The following SEPTIN7 variants were observed in gnomAD, a reference collection of about 807,000 sequenced individuals.
The protein encoded by SEPTIN7 is septin 7.
A neutral mutation model predicts 63.3 loss-of-function variants in SEPTIN7; 10 were observed. That is an observed-to-expected ratio of 0.16 (90% CI 0.10 to 0.27). The LOEUF (loss-of-function observed/expected upper bound fraction) is 0.27. Among genes scored for constraint, SEPTIN7 ranks in the 10% least tolerant of loss-of-function variants. The pLI, the probability that SEPTIN7 is intolerant of heterozygous loss-of-function variation, is 1.00. For missense variants in SEPTIN7, 310 were observed against 521.0 expected, an observed-to-expected ratio of 0.59 and a Z score of 3.94; for synonymous variants, 131 against 165.3, an observed-to-expected ratio of 0.79 and a Z score of 1.59.
chr7:35,875,197 A>G (rs1374048969), intron 6 of SEPTIN7, among the ~76,000 whole-genome samples: 2 of 152,172 alleles, frequency 1.3e-5, no homozygotes, highest in Admixed American at 6.5e-5. Flanking sequence ...TATTCAAATG[A>G]TATGTAGTGG....
chr7:35,835,032 A>G (rs1415369332), intron 3 of SEPTIN7, among the ~76,000 whole-genome samples: 1 of 152,142 alleles, frequency 6.6e-6, no homozygotes, highest in East Asian at 1.9e-4. Context: ...TTCATAAGCA[A>G]TGTTTATTGA....
intron 1 of SEPTIN7, among the ~76,000 whole-genome samples, chr7:35,821,722 G>C (rs1016399739): frequency 3.3e-5 from 5 of 152,148 alleles, no homozygotes; most frequent in East Asian, 3.9e-4. Context: ...AGTCATGTAG[G>C]AGAGTGTCTC....
downstream of SEPTIN7, among the ~76,000 whole-genome samples, chr7:35,910,821 C>A (rs1158825533): frequency 6.6e-6 from 1 of 152,180 alleles, no homozygotes; most frequent in Non-Finnish European, 1.5e-5. Flanking sequence ...TCTACAGAAA[C>A]CAGCTGCAAA....
chr7:35,858,100 G>A (rs1454905309), intron 3 of SEPTIN7, among the ~76,000 whole-genome samples: 1 of 151,554 alleles, frequency 6.6e-6, no homozygotes, highest in Non-Finnish European at 1.5e-5. Flanking sequence ...GTGCCACCGG[G>A]ACAGGGTAAT....
intron 10 of SEPTIN7, chr7:35,888,859 T>G (rs762926315): frequency 3.2e-6 from 1 of 311,758 alleles, no homozygotes; most frequent in Non-Finnish European, 6.3e-6. Context: ...AAAAGAAAAA[T>G]TAAATAAACA....
chr7:35,869,379 T>C (rs1221139731), intron 4 of SEPTIN7, among the ~76,000 whole-genome samples: 1 of 152,210 alleles, frequency 6.6e-6, no homozygotes, highest in Non-Finnish European at 1.5e-5. Flanking sequence ...TGTAAGATGA[T>C]ATTTGTCTTT....
chr7:35,882,110 G>C (rs1271529358), intron 7 of SEPTIN7, among the ~76,000 whole-genome samples: 1 of 151,748 alleles, frequency 6.6e-6, no homozygotes, highest in Non-Finnish European at 1.5e-5. Context: ...TAAGATACTT[G>C]GGAATTTATA....
At chr7:35,870,287 T>C (rs1168107728) in intron 4 of SEPTIN7, among the ~76,000 whole-genome samples, 2 of 152,218 alleles carry the variant, frequency 1.3e-5, no homozygotes, top group African/African-American at 2.4e-5. Context: ...TGAACTGATT[T>C]TTTTTAAAAA....
intron 3 of SEPTIN7, among the ~76,000 whole-genome samples, chr7:35,856,964 A>T (rs2116100039): frequency 6.6e-6 from 1 of 152,340 alleles, no homozygotes; most frequent in Non-Finnish European, 1.5e-5. Flanking sequence ...TTCTAGGGGA[A>T]GAAGTGTTTT....
At chr7:35,843,583 C>T (rs75267404) in intron 3 of SEPTIN7, among the ~76,000 whole-genome samples, 10,765 of 152,048 alleles carry the variant, frequency 0.071, 427 homozygotes, top group South Asian at 0.18. Flanking sequence ...ATAGTTTTTT[C>T]GATGCCTAAA....
At chr7:35,808,040 C>T (rs1200632851) in intron 1 of SEPTIN7, among the ~76,000 whole-genome samples, 6 of 151,996 alleles carry the variant, frequency 3.9e-5, no homozygotes, top group Admixed American at 3.9e-4. Flanking sequence ...TCAGGCTGGT[C>T]TCTCCTGACC....
chr7:35,806,481 G>C (rs1788347732), intron 1 of SEPTIN7, among the ~76,000 whole-genome samples: 1 of 152,174 alleles, frequency 6.6e-6, no homozygotes, highest in South Asian at 2.1e-4. Flanking sequence ...ATCTCTGGGA[G>C]AGGGACCCAG....
At chr7:35,866,512 C>T (rs1049033007) in intron 4 of SEPTIN7, among the ~76,000 whole-genome samples, 2 of 152,108 alleles carry the variant, frequency 1.3e-5, no homozygotes, top group Admixed American at 1.3e-4. Context: ...TATTATGTGG[C>T]TGAATAAGGA....
intron 1 of SEPTIN7, among the ~76,000 whole-genome samples, chr7:35,812,724 G>A (rs1788805512): frequency 6.6e-6 from 1 of 152,006 alleles, no homozygotes; most frequent in Non-Finnish European, 1.5e-5. Flanking sequence ...TTGTTCTTAT[G>A]GCTTCCAGTC....
intron 3 of SEPTIN7, among the ~76,000 whole-genome samples, chr7:35,847,754 T>A (rs905043485): frequency 1.3e-5 from 2 of 152,214 alleles, no homozygotes; most frequent in African/African-American, 4.8e-5. Flanking sequence ...AGAAATATAG[T>A]GAGATATAAT....
chr7:35,861,551 A>G (rs1785509482), intron 3 of SEPTIN7, among the ~76,000 whole-genome samples: 1 of 152,140 alleles, frequency 6.6e-6, no homozygotes, highest in Admixed American at 6.5e-5. Context: ...TCGCTTTCTC[A>G]ATTCCTCCTG....
At chr7:35,877,877 TC>T (rs1786568372) in intron 6 of SEPTIN7, among the ~76,000 whole-genome samples, 1 of 152,188 alleles carries the variant, frequency 6.6e-6, no homozygotes, top group Non-Finnish European at 1.5e-5. Flanking sequence ...CAGATGCTCC[TC>T]AACTTGGGAC....
intron 6 of SEPTIN7, 23 bp downstream of exon 6, chr7:35,873,798 T>A (rs753457782): frequency 3.7e-6 from 6 of 1,604,512 alleles, no homozygotes; most frequent in Non-Finnish European, 5.1e-6. Context: ...ATACTTCTGA[T>A]TCCTTTTTTG....
intron 1 of SEPTIN7, among the ~76,000 whole-genome samples, chr7:35,823,147 A>G (rs1783315746): frequency 6.6e-6 from 1 of 152,206 alleles, no homozygotes; most frequent in African/African-American, 2.4e-5. Context: ...TCTGCAACTT[A>G]TGTTCCACTT....
Sources: allele counts gnomAD v4.1 joint callset (sites outside exome capture counted in the v4.1 genomes callset), GRCh38; gene constraint gnomAD v4.1.1; transcripts MANE v1.5; gene names NCBI Gene and HGNC (gene_info 2026-07-23, HGNC 2026-07-21).